The following CCDC192 variants were observed in gnomAD, a reference collection of about 807,000 sequenced individuals.
CCDC192 encodes coiled-coil domain containing 192, also known as coiled-coil domain-containing protein 192.
At chr5:127,902,818 T>A (rs1272200490) in intron 6 of CCDC192, among the ~76,000 whole-genome samples, 1 of 152,202 alleles carries the variant, frequency 6.6e-6, no homozygotes, top group Non-Finnish European at 1.5e-5. Context: ...AGTACCCTAG[T>A]GCTTCAGCAA....
In CCDC192 at chr5:127,914,080, C is replaced by A. The variant is rs1017737249; in HGVS notation, c.536-27102C>A. ...AAATAGTCCAAAACCAAAATAACTT[C>A]TCCTTGGAAATTATAGCAGAGAGAA... On this transcript the variant is annotated intron_variant, in intron 6 of 6. Transcript: ENST00000514853. 3.9e-5 allele frequency among the ~76,000 whole-genome samples: 6 copies of A among 152,204 alleles called. No individual in the cohort carries two copies. The East Asian group carries it at 1.2e-3, about 29-fold the overall frequency.
At chr5:127,885,596 G>A (rs1044142171) in intron 6 of CCDC192, among the ~76,000 whole-genome samples, 3 of 152,156 alleles carry the variant, frequency 2.0e-5, no homozygotes, top group African/African-American at 7.2e-5. Context: ...GGAGGTTAAG[G>A]ATAGAGATTA....
At chr5:127,802,870 C>G (rs1045845020) in intron 5 of CCDC192, among the ~76,000 whole-genome samples, 2 of 152,146 alleles carry the variant, frequency 1.3e-5, no homozygotes, top group Non-Finnish European at 2.9e-5. Context: ...CAGGGAAAAT[C>G]ACTTTATGAC....
chr5:127,884,415 C>T (rs1752487617), intron 6 of CCDC192, among the ~76,000 whole-genome samples: 1 of 141,606 alleles, frequency 7.1e-6, no homozygotes, highest in African/African-American at 2.6e-5. Flanking sequence ...ATACAGAAAG[C>T]TATCTTATAT....
At chr5:127,858,489 C>T (rs947570058) in intron 5 of CCDC192, among the ~76,000 whole-genome samples, 5 of 152,192 alleles carry the variant, frequency 3.3e-5, no homozygotes, top group African/African-American at 1.2e-4. Context: ...TCTCAGAATG[C>T]CATGTGTCAT....
At chr5:127,706,885 A>G (rs965827659) in intron 1 of CCDC192, among the ~76,000 whole-genome samples, 3 of 152,218 alleles carry the variant, frequency 2.0e-5, no homozygotes, top group Non-Finnish European at 2.9e-5. Context: ...GTGACATTTG[A>G]TCAAAGACGA....
intron 3 of CCDC192, among the ~76,000 whole-genome samples, chr5:127,770,537 G>T (rs1347494854): frequency 1.3e-5 from 2 of 152,202 alleles, no homozygotes; most frequent in Non-Finnish European, 2.9e-5. Flanking sequence ...AATAGAATTT[G>T]TGATGGCTGG....
rs531803046 is a variant in CCDC192 at position 127,740,373 on chromosome 5, A to G, written c.115-13895A>G. On this transcript the variant is annotated intron_variant, in intron 2 of 6. Coordinates refer to ENST00000514853, the MANE Select transcript of CCDC192 (RefSeq NM_001317938.2). The stretch of plus-strand genomic sequence containing the variant: ...GTGCCTTATAGTATTAGAATGTACT[A>G]TGGAAATTGTTGCTAAACTTTTATC... 3 of 152,348 alleles carry G rather than the reference A, an allele frequency of 2.0e-5. No individual in the cohort carries two copies. In the South Asian group the frequency reaches 6.2e-4, roughly 32 times the overall value. 9.4% of individuals were successfully genotyped at this position (152,348 alleles called of 1,614,324 possible).
At chr5:127,853,791 C>A (rs1750918916) in intron 5 of CCDC192, among the ~76,000 whole-genome samples, 1 of 152,000 alleles carries the variant, frequency 6.6e-6, no homozygotes. Context: ...AACAAACAAA[C>A]AAACAAAAAA....
intron 5 of CCDC192, among the ~76,000 whole-genome samples, chr5:127,845,521 C>A (rs992044657): frequency 5.3e-5 from 8 of 152,062 alleles, no homozygotes; most frequent in Non-Finnish European, 1.2e-4. Flanking sequence ...TTTGCAAGCC[C>A]CTTAGTGAAC....
chr5:127,786,430 T>A (rs913479908), intron 3 of CCDC192: 1 of 625,264 alleles, frequency 1.6e-6, no homozygotes, highest in African/African-American at 1.8e-5. Context: ...TCCAATTCCA[T>A]GTAACACTGT....
intron 5 of CCDC192, among the ~76,000 whole-genome samples, chr5:127,850,756 A>G (rs1750759131): frequency 6.6e-6 from 1 of 152,210 alleles, no homozygotes. Flanking sequence ...ACCTGAGTTT[A>G]GGAGTTCAAG....
At chr5:127,821,087 A>G (rs1749267724) in intron 5 of CCDC192, among the ~76,000 whole-genome samples, 1 of 152,126 alleles carries the variant, frequency 6.6e-6, no homozygotes, top group Non-Finnish European at 1.5e-5. Context: ...TCATAGTAAC[A>G]TTGAGTGATG....
At chr5:127,920,704 C>T (rs186253129) in intron 6 of CCDC192, among the ~76,000 whole-genome samples, 1 of 151,994 alleles carries the variant, frequency 6.6e-6, no homozygotes, top group Admixed American at 6.6e-5. Flanking sequence ...AGCCACCGCG[C>T]CCGGCTGCTA....
At chr5:127,723,953 TTCAA>T (rs1752165684) in intron 2 of CCDC192, among the ~76,000 whole-genome samples, 1 of 152,238 alleles carries the variant, frequency 6.6e-6, no homozygotes, top group African/African-American at 2.4e-5. Flanking sequence ...GTTAAAATAT[TTCAA>T]TCAATGTGGT....
At chr5:127,864,848 A>C (rs1005310427) in intron 5 of CCDC192, among the ~76,000 whole-genome samples, 1 of 152,206 alleles carries the variant, frequency 6.6e-6, no homozygotes, top group Admixed American at 6.5e-5. Flanking sequence ...AGGACTATTA[A>C]AAATAACTAT....
intron 5 of CCDC192, among the ~76,000 whole-genome samples, chr5:127,809,717 T>C (rs1238694915): frequency 1.3e-5 from 2 of 152,166 alleles, no homozygotes; most frequent in Non-Finnish European, 2.9e-5. Context: ...ATAATCCAGC[T>C]GGCAAAGTCT....
intron 3 of CCDC192, among the ~76,000 whole-genome samples, chr5:127,774,018 G>A (rs1755712561): frequency 6.6e-6 from 1 of 152,120 alleles, no homozygotes; most frequent in East Asian, 1.9e-4. Context: ...GACTAATGAT[G>A]TTGAACATCT....
chr5:127,828,665 A>G (rs115567412), intron 5 of CCDC192, among the ~76,000 whole-genome samples: 21 of 152,334 alleles, frequency 1.4e-4, no homozygotes, highest in African/African-American at 5.1e-4. Context: ...ACATCTGGGA[A>G]TAGCCCCTAA....
Sources: allele counts gnomAD v4.1 joint callset (sites outside exome capture counted in the v4.1 genomes callset), GRCh38; gene constraint gnomAD v4.1.1; transcripts MANE v1.5; gene names NCBI Gene and HGNC (gene_info 2026-07-23, HGNC 2026-07-21).